ARHGAP40: variants seen among roughly 807,000 people sequenced by gnomAD.
ARHGAP40 encodes Rho GTPase activating protein 40, also known as rho GTPase-activating protein 40.
Under a neutral mutation model 73.5 loss-of-function variants are expected in ARHGAP40, and 43 were observed. The observed-to-expected ratio is 0.58, with a 90% CI of 0.46 to 0.75. The LOEUF (loss-of-function observed/expected upper bound fraction) is 0.75. ARHGAP40 is among the 30% of genes least tolerant of loss of function. The pLI is 0.00. For missense variants in ARHGAP40, 734 were observed against 861.8 expected (o/e 0.85, Z 1.86); for synonymous variants, 300 against 352.8 (o/e 0.85, Z 1.68).
rs1392257131 is a variant in ARHGAP40, at chr20:38,648,558, G to T, written c.1881-85G>T. On this transcript the variant is annotated intron_variant, in intron 13 of 14. Coordinates refer to ENST00000373345, the Ensembl canonical transcript of ARHGAP40. ...ATCAGTGAGGACTGCCCTTTCCAGG[G>T]CTGGGGGCCATGCACAGTTGTTGGT... The T allele has an allele frequency of 6.1e-6, 7 of 1,154,318 alleles. 1 individual carries two copies. The South Asian group carries it at 9.6e-5, about 16-fold the overall frequency. The allele number at this position is 1,154,318 out of a possible 1,614,324, so 71.5% of individuals were successfully genotyped here. A position where few individuals can be genotyped will look rare whatever the true frequency, so the allele number is the denominator to read the frequency against.
chr20:38,602,147 T>C (rs894533348), intron 1 of ARHGAP40, 68 bp downstream of exon 1: 1 of 1,217,664 alleles, frequency 8.2e-7, no homozygotes. Flanking sequence ...GCGGTCTGTC[T>C]TCACAACATC....
intron 1 of ARHGAP40, among the ~76,000 whole-genome samples, chr20:38,620,715 T>G (rs1202563482): frequency 6.6e-6 from 1 of 152,186 alleles, no homozygotes; most frequent in African/African-American, 2.4e-5. Context: ...GTGAAGCTTC[T>G]GCTCTGTGCA....
chr20:38,628,584 G>A (rs969868394), intron 3 of ARHGAP40, among the ~76,000 whole-genome samples: 8 of 152,310 alleles, frequency 5.3e-5, no homozygotes, highest in Non-Finnish European at 7.3e-5. Context: ...GATTACAGGC[G>A]TGAGCCACCA....
At chr20:38,609,365 A>C (rs1482581731) in intron 1 of ARHGAP40, among the ~76,000 whole-genome samples, 1 of 152,140 alleles carries the variant, frequency 6.6e-6, no homozygotes, top group Non-Finnish European at 1.5e-5. Flanking sequence ...GAGGGCTGAA[A>C]ATGTGCACTC....
At chr20:38,650,510 C>G in exon 15 of ARHGAP40, 1 of 468,740 alleles carries the variant, frequency 2.1e-6, no homozygotes, top group South Asian at 1.6e-5. Flanking sequence ...CATGACCAGC[C>G]CCGGGAGAAA....
chr20:38,617,192 C>T (rs567568006), intron 1 of ARHGAP40, among the ~76,000 whole-genome samples: 1 of 152,308 alleles, frequency 6.6e-6, no homozygotes, highest in South Asian at 2.1e-4. Context: ...GGCTCAGCCA[C>T]ACCTCCACCG....
intron 1 of ARHGAP40, among the ~76,000 whole-genome samples, chr20:38,618,022 C>T (rs1276217988): frequency 6.6e-6 from 1 of 152,150 alleles, no homozygotes; most frequent in East Asian, 1.9e-4. Flanking sequence ...TGGGGACTCC[C>T]CAAGGTGACG....
chr20:38,643,231 C>G (rs1430886232), intron 10 of ARHGAP40, among the ~76,000 whole-genome samples: 1 of 152,110 alleles, frequency 6.6e-6, no homozygotes, highest in Non-Finnish European at 1.5e-5. Context: ...AATTAAAGGC[C>G]CAGGAACACA....
intron 13 of ARHGAP40, among the ~76,000 whole-genome samples, chr20:38,647,802 G>A (rs62201579): frequency 0.074 from 11,191 of 151,900 alleles, 745 homozygotes; most frequent in African/African-American, 0.18. Context: ...AGATAGTCAC[G>A]AATCAAAGAT....
intron 1 of ARHGAP40, among the ~76,000 whole-genome samples, chr20:38,603,161 T>C (rs1249934635): frequency 6.6e-6 from 1 of 152,172 alleles, no homozygotes; most frequent in Non-Finnish European, 1.5e-5. Context: ...TGGTCTGTAC[T>C]CAGAAAGCAG....
chr20:38,618,100 CTT>C (rs745926184), intron 1 of ARHGAP40, among the ~76,000 whole-genome samples: 3 of 141,722 alleles, frequency 2.1e-5, no homozygotes, highest in African/African-American at 2.6e-5. Flanking sequence ...AATTTCTTGA[CTT>C]TTTTTTTTTT....
At chr20:38,623,687 T>A in intron 2 of ARHGAP40, 129 bp downstream of exon 2, 2 of 658,428 alleles carry the variant, frequency 3.0e-6, no homozygotes, top group Admixed American at 7.9e-5. Flanking sequence ...TGGTGCAGTA[T>A]CCTCTTCACT....
intron 9 of ARHGAP40, 72 bp from the exon 10 acceptor site, chr20:38,641,654 C>T: frequency 8.7e-7 from 1 of 1,147,930 alleles, no homozygotes. Flanking sequence ...GGAATTTCCC[C>T]AAGAAGAGAC....
At chr20:38,647,003 C>A in exon 13 of ARHGAP40, 1 of 1,305,482 alleles carries the variant, frequency 7.7e-7, no homozygotes, top group Non-Finnish European at 1.0e-6. Flanking sequence ...ATCAAGGACC[C>A]CTTGAAGGTG....
chr20:38,648,416 G>A (rs2089067197), intron 13 of ARHGAP40, among the ~76,000 whole-genome samples: 1 of 152,220 alleles, frequency 6.6e-6, no homozygotes, highest in African/African-American at 2.4e-5. Flanking sequence ...ACCCCTGGCT[G>A]AGCCTCACCA....
intron 1 of ARHGAP40, among the ~76,000 whole-genome samples, chr20:38,606,936 C>A (rs1286916288): frequency 6.6e-6 from 1 of 152,242 alleles, no homozygotes; most frequent in Admixed American, 6.5e-5. Flanking sequence ...CACTTATCAG[C>A]TGTGGACCTC....
chr20:38,646,177 G>A lies in ARHGAP40; in HGVS notation c.1700G>A (p.Gly567Asp). 7.7e-7 allele frequency: 1 copy of A among 1,301,598 alleles called. No homozygotes were observed. The highest frequency in any genetic ancestry group is 1.0e-6 in the Non-Finnish European group (1 of 987,218). 80.6% of individuals were successfully genotyped at this position (1,301,598 alleles called of 1,614,324 possible). Reference sequence around the variant, plus strand: ...GCAGACAGGGACAAGGCGGGGGACGGCCTCGAGGCGGTGAGTGCCCCCGAC... The same window carrying A: ...GCAGACAGGGACAAGGCGGGGGACGACCTCGAGGCGGTGAGTGCCCCCGAC... The change falls in exon 12 of 15, where the codon GGC becomes GAC. Residue 567 changes from glycine (G) to aspartate (D), a missense_variant. Gly to Asp is a moderately conservative substitution (Grantham distance 94). Coordinates refer to ENST00000373345, the Ensembl canonical transcript of ARHGAP40. The surrounding 1 kb of genome is among the most constrained non-coding windows in gnomAD (Gnocchi z 4.5).
chr20:38,618,362 CT>C (rs2088855379), intron 1 of ARHGAP40, among the ~76,000 whole-genome samples: 2 of 152,196 alleles, frequency 1.3e-5, no homozygotes, highest in African/African-American at 2.4e-5. Flanking sequence ...CCACCTCAGC[CT>C]CCCAAAGTGC....
At position 38,634,636 on chromosome 20, in the gene ARHGAP40, A is replaced by C. The variant is rs2088961549; in HGVS notation, c.800A>C (p.Lys267Thr). 3 of 1,305,324 alleles carry C rather than the reference A, an allele frequency of 2.3e-6. No individual in the cohort carries two copies. In the South Asian group the frequency reaches 3.7e-5, roughly 16 times the overall value. 80.9% of individuals were successfully genotyped at this position (1,305,324 alleles called of 1,614,324 possible). ...TATTAATAGAAGTTTACCGTCCCCA[A>C]AGGCAGACTTGGCGTGACGAGGATA... The change falls in exon 6 of 15, where the codon AAA (lysine) becomes ACA (threonine). Residue 267 changes from lysine (K) to threonine (T), a missense_variant. By Grantham distance (78) the Lys-to-Thr change is moderately conservative. Coordinates refer to ENST00000373345, the Ensembl canonical transcript of ARHGAP40.
Sources: allele counts gnomAD v4.1 joint callset (sites outside exome capture counted in the v4.1 genomes callset), GRCh38; gene constraint gnomAD v4.1.1; non-coding constraint Gnocchi (gnomAD v3.1); transcripts MANE v1.5; gene names NCBI Gene and HGNC (gene_info 2026-07-23, HGNC 2026-07-21).